Variants in ZWILCH observed in about 807,000 individuals in gnomAD.
The protein encoded by ZWILCH is zwilch kinetochore protein.
Under a neutral mutation model 79.9 loss-of-function variants are expected in ZWILCH, and 74 were observed. The observed-to-expected ratio is 0.93, with a 90% CI of 0.77 to 1.12. The LOEUF (loss-of-function observed/expected upper bound fraction) is 1.12, where lower values mean the gene tolerates loss of function less well. Among genes scored for constraint, ZWILCH ranks in the 50% most tolerant of loss-of-function variants. The pLI is 0.00. For missense variants in ZWILCH, 694 were observed against 687.5 expected (o/e 1.01, Z -0.11); for synonymous variants, 241 against 228.2 (o/e 1.06, Z -0.51).
intron 1 of ZWILCH, among the ~76,000 whole-genome samples, chr15:66,506,697 T>C (rs1424218880): frequency 6.6e-6 from 1 of 151,890 alleles, no homozygotes; most frequent in Non-Finnish European, 1.5e-5. Context: ...TCCTATTAAC[T>C]AGGCATGGTG....
In ZWILCH at chr15:66,505,345, G is replaced by A; in HGVS notation, c.7G>A (p.Glu3Lys). The stretch of plus-strand genomic sequence containing the variant: ...GCTCTCACATTGGGGCGGGATGTGG[G>A]AGCGGCTGAACTGCGCAGCAGAGGA... MW[E>K]RLNCAAEDFY... is the part of the protein sequence containing the mutation. Residue 3 changes from glutamate to lysine, a missense_variant, in exon 1 of 19, where the codon GAG becomes AAG. By Grantham distance (56) the Glu-to-Lys change is moderately conservative (BLOSUM62 1). Coordinates refer to ENST00000307897, the MANE Select transcript of ZWILCH (RefSeq NM_017975.5). The A allele has an allele frequency of 1.2e-6, 2 of 1,613,940 alleles. No individual in the cohort carries two copies. The highest frequency in any genetic ancestry group is 2.2e-5 in the East Asian group (1 of 44,878).
chr15:66,520,321 A>G (rs1046142066), intron 5 of ZWILCH, among the ~76,000 whole-genome samples: 25 of 148,690 alleles, frequency 1.7e-4, no homozygotes, highest in Non-Finnish European at 2.4e-4. Flanking sequence ...GGGTCTTGCT[A>G]TGTTGCCCAG....
chr15:66,546,861 A>C, intron 18 of ZWILCH, 156 bp downstream of exon 18: 1 of 312,034 alleles, frequency 3.2e-6, no homozygotes, highest in Non-Finnish European at 5.9e-6. Context: ...TGAGCAGTGC[A>C]ACTCTTTAAT....
At chr15:66,524,090 A>G (rs1274445104) in intron 8 of ZWILCH, among the ~76,000 whole-genome samples, 1 of 152,134 alleles carries the variant, frequency 6.6e-6, no homozygotes, top group Non-Finnish European at 1.5e-5. Flanking sequence ...GCTATTATGA[A>G]TAATGCCTCC....
intron 17 of ZWILCH, among the ~76,000 whole-genome samples, chr15:66,543,068 A>T (rs1165698963): frequency 2.0e-5 from 3 of 152,032 alleles, no homozygotes; most frequent in African/African-American, 7.2e-5. Flanking sequence ...GCATGGTGAC[A>T]TGTGCCTATA....
At chr15:66,546,463 T>A in intron 17 of ZWILCH, 128 bp from the exon 18 acceptor site, 6 of 436,618 alleles carry the variant, frequency 1.4e-5, no homozygotes, top group Non-Finnish European at 2.0e-5. Context: ...ATGAATTCTC[T>A]TAAAGTAGAA....
chr15:66,548,631 C>T lies in ZWILCH; in HGVS notation c.*307C>T. 8.5e-7 allele frequency: 1 copy of T among 1,183,152 alleles called. No homozygotes were observed. The allele number at this position is 1,183,152 out of a possible 1,614,324, so 73.3% of individuals were successfully genotyped here. A position where few individuals can be genotyped will look rare whatever the true frequency, so the allele number is the denominator to read the frequency against. ...CTGAAATGACAAAGAGAACGAGCAC[C>T]ACAAATGAGAACAGGATCATTTTAG... On this transcript the variant is annotated 3_prime_UTR_variant, in exon 19 of 19. Transcript: ENST00000307897.
At chr15:66,542,537 A>G (rs920099950) in intron 17 of ZWILCH, among the ~76,000 whole-genome samples, 14 of 152,186 alleles carry the variant, frequency 9.2e-5, no homozygotes, top group African/African-American at 3.1e-4. Flanking sequence ...GTGAGCCAAG[A>G]TCGCGCCACT....
At chr15:66,537,374 A>G (rs1895048704) in intron 16 of ZWILCH, 111 bp downstream of exon 16, 2 of 684,802 alleles carry the variant, frequency 2.9e-6, no homozygotes, top group Non-Finnish European at 5.0e-6. Flanking sequence ...CCTGGGCAAC[A>G]TAATGAGACC....
intron 1 of ZWILCH, among the ~76,000 whole-genome samples, chr15:66,506,536 G>A (rs1027458458): frequency 1.3e-5 from 2 of 152,150 alleles, no homozygotes; most frequent in African/African-American, 4.8e-5. Context: ...GGGCATGGTG[G>A]CGGGCACCTG....
At chr15:66,512,349 C>G (rs1894099136) in intron 2 of ZWILCH, among the ~76,000 whole-genome samples, 1 of 150,944 alleles carries the variant, frequency 6.6e-6, no homozygotes, top group African/African-American at 2.4e-5. Context: ...GCCTCAAACT[C>G]CTGGGCTCAA....
intron 2 of ZWILCH, among the ~76,000 whole-genome samples, chr15:66,512,795 T>TA (rs1894116445): frequency 6.6e-6 from 1 of 151,678 alleles, no homozygotes; most frequent in Admixed American, 6.6e-5. Flanking sequence ...TTTATTTGTG[T>TA]ATTTATTTTT....
Position 66,521,074 on chromosome 15 carries a change from T to TATGAG in ZWILCH, c.617_621dup (p.Leu208MetfsTer44). On this transcript the variant is annotated frameshift_variant, in exon 7 of 19. Transcript: ENST00000307897. LOFTEE classifies it high-confidence loss of function. Reference sequence around the variant, plus strand: ...GGTAACATCCAAAGGCTTTGCCCAGTATGAGCTCTTTAAGTCCTCTGCCTT... The same window carrying TATGAG: ...GGTAACATCCAAAGGCTTTGCCCAGTATGAGATGAGCTCTTTAAGTCCTCTGCCTT... 1 of 1,614,166 alleles carries TATGAG rather than the reference T, an allele frequency of 6.2e-7. No homozygotes were observed. Among genetic ancestry groups the TATGAG allele is most frequent in the Non-Finnish European group, 8.5e-7 (1 of 1,180,018 alleles).
chr15:66,529,548 T>G lies in ZWILCH; in HGVS notation c.1130T>G (p.Leu377Arg). Residue 377 changes from leucine to arginine, a missense_variant, in exon 12 of 19, where the codon CTA (leucine) becomes CGA (arginine). Coordinates refer to ENST00000307897, the MANE Select transcript of ZWILCH (RefSeq NM_017975.5). ...VKCFTLIIQS[L>R]QRGDIQPWLH... ...TGTTTCACATTGATCATCCAGAGTC[T>G]ACAACGTGGTGATATACAGCCATGG... 6.2e-7 allele frequency: 1 copy of G among 1,613,998 alleles called. No homozygotes were observed. Among genetic ancestry groups the G allele is most frequent in the Non-Finnish European group, 8.5e-7 (1 of 1,179,892 alleles).
At chr15:66,506,031 C>T (rs1172805358) in intron 1 of ZWILCH, among the ~76,000 whole-genome samples, 1 of 152,310 alleles carries the variant, frequency 6.6e-6, no homozygotes, top group East Asian at 1.9e-4. Context: ...CTGGGCCCCA[C>T]TTCCAGGGTT....
chr15:66,543,624 G>T (rs943188196), intron 17 of ZWILCH, among the ~76,000 whole-genome samples: 1 of 152,090 alleles, frequency 6.6e-6, no homozygotes, highest in African/African-American at 2.4e-5. Flanking sequence ...GCGTGTGGTG[G>T]CATATGCCTG....
At chr15:66,538,148 C>T (rs1595920966) in intron 16 of ZWILCH, among the ~76,000 whole-genome samples, 1 of 152,298 alleles carries the variant, frequency 6.6e-6, no homozygotes, top group Admixed American at 6.5e-5. Context: ...TGACTCTTCT[C>T]TCAGCATATG....
intron 11 of ZWILCH, 75 bp downstream of exon 11, chr15:66,529,032 G>T (rs1894778854): frequency 3.5e-6 from 4 of 1,157,442 alleles, no homozygotes. Context: ...AAATAATACA[G>T]TGTGTACCAC....
intron 8 of ZWILCH, among the ~76,000 whole-genome samples, chr15:66,525,460 A>G (rs1446617909): frequency 6.6e-6 from 1 of 152,160 alleles, no homozygotes; most frequent in Non-Finnish European, 1.5e-5. Flanking sequence ...TATTCCACAT[A>G]TACCTTGCTA....
Sources: allele counts gnomAD v4.1 joint callset (sites outside exome capture counted in the v4.1 genomes callset), GRCh38; gene constraint gnomAD v4.1.1; transcripts MANE v1.5; gene names NCBI Gene and HGNC (gene_info 2026-07-23, HGNC 2026-07-21).